Variants in ZNF284 observed in about 807,000 individuals in gnomAD.
The protein encoded by ZNF284 is zinc finger protein 284.
Under a neutral mutation model 12.9 loss-of-function variants are expected in ZNF284, and 12 were observed. The observed-to-expected ratio is 0.93, with a 90% CI of 0.60 to 1.51. The LOEUF (loss-of-function observed/expected upper bound fraction) is 1.51, where lower values mean the gene tolerates loss of function less well. Ranked by LOEUF, ZNF284 falls within the 40% of genes most tolerant of loss-of-function variation. The probability of loss-of-function intolerance (pLI) is 0.00; values close to 1 mark genes in which losing one functional copy is unlikely to be tolerated. For synonymous variants in ZNF284, 225 were observed against 236.5 expected (o/e 0.95, Z 0.45); for missense variants, 667 against 707.3 (o/e 0.94, Z 0.65).
chr19:44,087,169 A>C lies in ZNF284; in HGVS notation c.1691A>C (p.Glu564Ala). 1 of 1,614,048 alleles carries C rather than the reference A, an allele frequency of 6.2e-7. No individual in the cohort carries two copies. Among genetic ancestry groups the C allele is most frequent in the African/African-American group, 1.3e-5 (1 of 75,058 alleles). The change falls in exon 5 of 5, where the codon GAA (glutamate) becomes GCA (alanine). Residue 564 changes from glutamate (E) to alanine (A), a missense_variant. Physicochemically the swap from Glu to Ala is moderately radical, Grantham distance 107. Transcript: ENST00000421176. ...GACCAACAAAGCGACCACAGTGGAG[A>C]AAAAACATCCAAATGTGAGGACTGT... Reference protein sequence around the residue: ...LQDQQSDHSGEKTSKCEDCGK... With the variant: ...LQDQQSDHSGAKTSKCEDCGK...
At chr19:44,083,944 A>T (rs548727222) in intron 4 of ZNF284, among the ~76,000 whole-genome samples, 1 of 152,122 alleles carries the variant, frequency 6.6e-6, no homozygotes, top group South Asian at 2.1e-4. Context: ...AGTGGTGGTG[A>T]TCAGGGCAGG....
At chr19:44,083,197 G>A (rs1023158639) in intron 4 of ZNF284, among the ~76,000 whole-genome samples, 3 of 151,922 alleles carry the variant, frequency 2.0e-5, no homozygotes, top group Non-Finnish European at 4.4e-5. Context: ...CACTTTGGGA[G>A]GCTGAGGCAG....
chr19:44,087,217 T>G lies in ZNF284; in HGVS notation c.1739T>G (p.Leu580Trp). 1 of 1,595,814 alleles carries G rather than the reference T, an allele frequency of 6.3e-7. No individual in the cohort carries two copies. Among genetic ancestry groups the G allele is most frequent in the Non-Finnish European group, 8.5e-7 (1 of 1,171,940 alleles). The stretch of plus-strand genomic sequence containing the variant: ...TGTGGGAAGCGCTACGAGAGGCGCT[T>G]GAATCTAGATATGATTTTATCATTA... ...EDCGKRYERR[L>W]NLDMILSLFL... Residue 580 changes from leucine (L) to tryptophan (W), a missense_variant, in exon 5 of 5, where the codon TTG becomes TGG. Leu to Trp is a moderately conservative substitution (Grantham distance 61, BLOSUM62 -2). Coordinates refer to ENST00000421176, the MANE Select transcript of ZNF284 (RefSeq NM_001037813.4).
chr19:44,080,943 C>T, intron 2 of ZNF284, 72 bp from the exon 3 acceptor site: 6 of 1,546,858 alleles, frequency 3.9e-6, no homozygotes, highest in South Asian at 3.5e-5. Context: ...ATCCCCTTCA[C>T]CTGCTCATTG....
Position 44,081,147 on chromosome 19 carries a change from C to T in ZNF284, c.142+6C>T, listed in dbSNP as rs1018598511. 1.9e-6 allele frequency: 3 copies of T among 1,608,392 alleles called. No homozygotes were observed. The highest frequency in any genetic ancestry group is 2.6e-6 in the Non-Finnish European group (3 of 1,176,452). On this transcript the variant is annotated splice_donor_region_variant and intron_variant, in intron 3 of 4. Transcript: ENST00000421176. The stretch of plus-strand genomic sequence containing the variant: ...CAGAAACCTGCTATCAGTGGGTGAG[C>T]ACAGGCACCCTCTGTAATGGAACAT...
At chr19:44,084,803 A>AT (rs1420812510) in intron 4 of ZNF284, among the ~76,000 whole-genome samples, 3 of 152,100 alleles carry the variant, frequency 2.0e-5, no homozygotes, top group Admixed American at 6.5e-5. Context: ...CCAGGGCAAG[A>AT]TGCAGTCTGG....
At chr19:44,079,999 C>G (rs937663893) in intron 2 of ZNF284, among the ~76,000 whole-genome samples, 1 of 152,090 alleles carries the variant, frequency 6.6e-6, no homozygotes, top group Non-Finnish European at 1.5e-5. Context: ...ACAGACTTTC[C>G]CCATTTATAT....
In ZNF284 at chr19:44,083,474, T is replaced by TATATATATATAGAGAG. The variant is rs746837013; in HGVS notation, c.235+1370_235+1371insTATATATATAGAGAGA. 9.2e-5 allele frequency among the ~76,000 whole-genome samples: 6 copies of TATATATATATAGAGAG among 64,924 alleles called. No homozygotes were observed. The South Asian group carries it at 2.1e-3, about 22-fold the overall frequency. The allele number at this position is 64,924 out of a possible 152,430, so 42.6% of individuals were successfully genotyped here. ...AAATATATATATATATATATATATATAGAGAGAGAGAGAGAGAGAGAGAGA... is the reference window on the plus strand; with the variant it reads ...AAATATATATATATATATATATATATATATATATATAGAGAGAGAGAGAGAGAGAGAGAGAGAGAGA... On this transcript the variant is annotated intron_variant, in intron 4 of 4. Coordinates refer to ENST00000421176, the MANE Select transcript of ZNF284 (RefSeq NM_001037813.4).
Position 44,085,809 on chromosome 19 carries a change from T to G in ZNF284, c.331T>G (p.Leu111Val). The change falls in exon 5 of 5, where the codon TTA (leucine) becomes GTA (valine). Residue 111 changes from leucine to valine, a missense_variant. Transcript: ENST00000421176. ...QQIWEQTASE[L>V]TRPQDSISSS... is the part of the protein sequence containing the mutation. ...AATCTGGGAACAAACTGCAAGTGAG[T>G]TAACTAGACCTCAAGACTCCATAAG... is the stretch of plus-strand genomic sequence containing the variant. 1.9e-6 allele frequency: 3 copies of G among 1,613,610 alleles called. No individual in the cohort carries two copies. The highest frequency in any genetic ancestry group is 2.5e-6 in the Non-Finnish European group (3 of 1,179,880).
intron 1 of ZNF284, among the ~76,000 whole-genome samples, chr19:44,074,363 G>A (rs1182928521): frequency 4.2e-5 from 6 of 141,328 alleles, no homozygotes; most frequent in Non-Finnish European, 9.2e-5. Flanking sequence ...TCTGCCTCCC[G>A]GTCTCAAAAA....
chr19:44,083,448 G>GAAAT (rs1279958226), intron 4 of ZNF284, among the ~76,000 whole-genome samples: 16 of 51,580 alleles, frequency 3.1e-4, no homozygotes, highest in East Asian at 1.6e-3. Context: ...AATAAATAAA[G>GAAAT]AAATATATAT....
At chr19:44,079,172 C>T (rs1191514409) in intron 2 of ZNF284, among the ~76,000 whole-genome samples, 1 of 152,114 alleles carries the variant, frequency 6.6e-6, no homozygotes, top group African/African-American at 2.4e-5. Flanking sequence ...ATGAAAACTA[C>T]ATAAAATTAA....
chr19:44,078,876 C>T (rs567410604), intron 2 of ZNF284, among the ~76,000 whole-genome samples: 7 of 152,082 alleles, frequency 4.6e-5, no homozygotes, highest in South Asian at 2.1e-4. Context: ...CTACAACCTC[C>T]GCCTCCTGGG....
At position 44,087,104 on chromosome 19, in the gene ZNF284, G is replaced by C. The variant is rs1426732119; in HGVS notation, c.1626G>C (p.Glu542Asp). 3.3e-5 allele frequency: 53 copies of C among 1,614,004 alleles called. No homozygotes were observed. The highest frequency in any genetic ancestry group is 4.2e-5 in the Non-Finnish European group (49 of 1,180,020). The part of the protein sequence containing the change: ...LHSREKLFQC[E>D]DCGKSSEHSS... The stretch of plus-strand genomic sequence containing the variant: ...GCAGAGAAAAACTATTCCAATGTGA[G>C]GATTGTGGGAAGAGCAGTGAGCACA... Residue 542 changes from glutamate (E) to aspartate (D), a missense_variant, in exon 5 of 5, where the codon GAG becomes GAC. Transcript: ENST00000421176.
At position 44,076,404 on chromosome 19, in the gene ZNF284, GGTGA is replaced by G. The variant is rs1208801054; in HGVS notation, c.15+3_15+6del. The stretch of plus-strand genomic sequence containing the variant: ...AAGGAGGAAAAATGACCATGTTCAA[GGTGA>G]GTAAGTCTGGTCTCTTTTGCTGTTC... On this transcript the variant is annotated splice_donor_variant and splice_donor_region_variant and intron_variant, in intron 2 of 4. Transcript: ENST00000421176. LOFTEE classifies it high-confidence loss of function. 3 of 1,609,374 alleles carry G rather than the reference GGTGA, an allele frequency of 1.9e-6. No individual in the cohort carries two copies. The highest frequency in any genetic ancestry group is 2.5e-6 in the Non-Finnish European group (3 of 1,177,610).
At chr19:44,074,785 A>G (rs1967002633) in intron 1 of ZNF284, among the ~76,000 whole-genome samples, 1 of 152,206 alleles carries the variant, frequency 6.6e-6, no homozygotes, top group African/African-American at 2.4e-5. Context: ...CCTGGCCAAC[A>G]TGGAGAAACC....
chr19:44,083,458 T>TATAC (rs1967160220), intron 4 of ZNF284, among the ~76,000 whole-genome samples: 1 of 49,072 alleles, frequency 2.0e-5, no homozygotes, highest in Non-Finnish European at 5.4e-5. Flanking sequence ...GAAATATATA[T>TATAC]ATATATATAT....
In ZNF284 at chr19:44,087,021, G is replaced by A. The variant is rs896119933; in HGVS notation, c.1543G>A (p.Glu515Lys). ...HTGEKPYKCE[E>K]CGKGFRWAST... ...TGGAGAAAAGCCTTACAAATGTGAG[G>A]AGTGTGGAAAGGGATTCAGATGGGC... is the stretch of plus-strand genomic sequence containing the variant. The change falls in exon 5 of 5, where the codon GAG (glutamate) becomes AAG (lysine). Residue 515 changes from glutamate (E) to lysine (K), a missense_variant. Physicochemically the swap from Glu to Lys is moderately conservative, Grantham distance 56 (BLOSUM62 1). Coordinates refer to ENST00000421176, the MANE Select transcript of ZNF284 (RefSeq NM_001037813.4). The A allele has an allele frequency of 6.2e-7, 1 of 1,614,036 alleles. No individual in the cohort carries two copies. The highest frequency in any genetic ancestry group is 1.7e-5 in the Admixed American group (1 of 59,994).
rs1418105943 is a variant in ZNF284 at position 44,087,630 on chromosome 19, C to T, written c.*370C>T. 7.7e-6 allele frequency: 1 copy of T among 129,248 alleles called. No individual in the cohort carries two copies. Among genetic ancestry groups the T allele is most frequent in the Non-Finnish European group, 1.5e-5 (1 of 66,048 alleles). The allele number at this position is 129,248 out of a possible 1,614,324, so 8.0% of individuals were successfully genotyped here. On this transcript the variant is annotated 3_prime_UTR_variant, in exon 5 of 5. Coordinates refer to ENST00000421176, the MANE Select transcript of ZNF284 (RefSeq NM_001037813.4). ...TTTTTTTTTTTTTTGAGAACAGAGT[C>T]TTCCAGGCTTGAGTGTAGTGGCATG...
Sources: allele counts gnomAD v4.1 joint callset (sites outside exome capture counted in the v4.1 genomes callset), GRCh38; gene constraint gnomAD v4.1.1; transcripts MANE v1.5; gene names NCBI Gene and HGNC (gene_info 2026-07-23, HGNC 2026-07-21).